The following SNTG1 variants were observed in gnomAD, a reference collection of about 807,000 sequenced individuals.
SNTG1 encodes syntrophin gamma 1.
A neutral mutation model predicts 74.7 loss-of-function variants in SNTG1; 39 were observed. That is an observed-to-expected ratio of 0.52 (90% confidence interval 0.40 to 0.68). The LOEUF (loss-of-function observed/expected upper bound fraction) is 0.68. Ranked by LOEUF, SNTG1 falls within the 30% of genes least tolerant of loss-of-function variation. The pLI is 0.00. For synonymous variants in SNTG1, 254 were observed against 217.1 expected (o/e 1.17, Z -1.49); for missense variants, 685 against 609.5 (o/e 1.12, Z -1.30).
At chr8:50,432,357 G>T (rs2093247615) in intron 4 of SNTG1, among the ~76,000 whole-genome samples, 1 of 150,958 alleles carries the variant, frequency 6.6e-6, no homozygotes, top group Admixed American at 6.6e-5. Flanking sequence ...TTGGCCACCT[G>T]TTCTGTACCA....
chr8:50,117,998 A>G (rs2080879342), intron 1 of SNTG1, among the ~76,000 whole-genome samples: 2 of 152,158 alleles, frequency 1.3e-5, no homozygotes, highest in Non-Finnish European at 2.9e-5. Context: ...TGACCACTGC[A>G]GAAGACTGAG....
intron 8 of SNTG1, among the ~76,000 whole-genome samples, chr8:50,478,358 G>A (rs370833729): frequency 6.6e-6 from 1 of 152,176 alleles, no homozygotes; most frequent in African/African-American, 2.4e-5. Flanking sequence ...TTTAATGACA[G>A]GTTTTTGGAT....
intron 2 of SNTG1, among the ~76,000 whole-genome samples, chr8:50,248,451 G>A (rs116942333): frequency 0.012 from 1,777 of 152,158 alleles, 16 homozygotes; most frequent in Non-Finnish European, 0.019. Context: ...TGATTTACTT[G>A]TCCCAAAGAT....
At chr8:50,717,441 C>A (rs891801745) in intron 17 of SNTG1, among the ~76,000 whole-genome samples, 1 of 152,078 alleles carries the variant, frequency 6.6e-6, no homozygotes, top group Non-Finnish European at 1.5e-5. Flanking sequence ...TTTGCTTTTC[C>A]TTACAGCGTT....
At chr8:50,436,630 T>C (rs1388848587) in intron 4 of SNTG1, among the ~76,000 whole-genome samples, 1 of 152,174 alleles carries the variant, frequency 6.6e-6, no homozygotes, top group African/African-American at 2.4e-5. Context: ...TATGAAGCTG[T>C]AGCTATTAGC....
At chr8:50,692,428 G>A (rs769764023) in intron 15 of SNTG1, among the ~76,000 whole-genome samples, 13 of 152,058 alleles carry the variant, frequency 8.5e-5, no homozygotes, top group Admixed American at 5.2e-4. Context: ...ATGGGTTTTT[G>A]GTGTGGATGT....
intron 1 of SNTG1, among the ~76,000 whole-genome samples, chr8:49,936,460 C>T (rs318871): frequency 0.88 from 133,459 of 152,154 alleles, 58,783 homozygotes; most frequent in East Asian, 1. Context: ...CGTTTGGTAA[C>T]TAAAATACAA....
At chr8:50,425,467 G>A (rs1049140540) in intron 4 of SNTG1, among the ~76,000 whole-genome samples, 8 of 152,064 alleles carry the variant, frequency 5.3e-5, no homozygotes, top group Non-Finnish European at 1.0e-4. Context: ...ACCCCCAGAT[G>A]GGACCACCTA....
At chr8:50,438,981 G>T (rs2093332959) in intron 5 of SNTG1, among the ~76,000 whole-genome samples, 1 of 152,078 alleles carries the variant, frequency 6.6e-6, no homozygotes. Flanking sequence ...TAGTAAGTGA[G>T]ATATTGTATT....
chr8:50,219,683 T>A (rs2084963835), intron 2 of SNTG1, among the ~76,000 whole-genome samples: 1 of 152,128 alleles, frequency 6.6e-6, no homozygotes, highest in Admixed American at 6.6e-5. Flanking sequence ...TCACTCACTA[T>A]CATGAGAACA....
intron 1 of SNTG1, among the ~76,000 whole-genome samples, chr8:50,159,442 T>G (rs191342253): frequency 6.6e-6 from 1 of 152,186 alleles, no homozygotes; most frequent in Non-Finnish European, 1.5e-5. Flanking sequence ...AAGTTACTCA[T>G]CATCCATCTG....
chr8:50,170,551 G>A (rs73575336), intron 1 of SNTG1, among the ~76,000 whole-genome samples: 8,260 of 152,084 alleles, frequency 0.054, 746 homozygotes, highest in African/African-American at 0.19. Context: ...GATTTATCTC[G>A]TGTATTGGTT....
chr8:50,023,884 G>C lies in SNTG1; in HGVS notation c.-103+111653G>C, dbSNP rs140222605. Among the ~76,000 whole-genome samples, 11 of 152,252 alleles carry C rather than the reference G, an allele frequency of 7.2e-5. 1 individual carries two copies. The East Asian group carries it at 2.1e-3, about 29-fold the overall frequency. On this transcript the variant is annotated intron_variant, in intron 1 of 18. Transcript: ENST00000642720. The stretch of plus-strand genomic sequence containing the variant: ...GCCTCCATCAAGGGTCTTTGTGCCT[G>C]AGGCCTTCTGACCATCAACCATGAG...
intron 1 of SNTG1, among the ~76,000 whole-genome samples, chr8:50,070,372 A>G (rs917292454): frequency 6.6e-6 from 1 of 152,204 alleles, no homozygotes; most frequent in African/African-American, 2.4e-5. Context: ...ACGTTTTGGA[A>G]AATGTAGTGA....
At chr8:49,992,118 T>C (rs547764337) in intron 1 of SNTG1, among the ~76,000 whole-genome samples, 1 of 152,214 alleles carries the variant, frequency 6.6e-6, no homozygotes, top group Non-Finnish European at 1.5e-5. Context: ...TATACATATC[T>C]GACCCATATT....
chr8:50,401,508 T>C (rs564749494), intron 3 of SNTG1, among the ~76,000 whole-genome samples: 1 of 152,320 alleles, frequency 6.6e-6, no homozygotes, highest in South Asian at 2.1e-4. Flanking sequence ...GGTCTTAAAC[T>C]AGGCTCCAAT....
intron 2 of SNTG1, among the ~76,000 whole-genome samples, chr8:50,385,271 G>A (rs900199783): frequency 6.6e-6 from 1 of 152,170 alleles, no homozygotes; most frequent in African/African-American, 2.4e-5. Flanking sequence ...AGAGGCCATA[G>A]TAGTCCACCC....
intron 2 of SNTG1, among the ~76,000 whole-genome samples, chr8:50,244,810 A>G (rs1400387794): frequency 6.6e-6 from 1 of 152,192 alleles, no homozygotes; most frequent in African/African-American, 2.4e-5. Flanking sequence ...GCAGTCTCAA[A>G]TATGCTTGGC....
intron 11 of SNTG1, among the ~76,000 whole-genome samples, chr8:50,552,574 G>T (rs973963083): frequency 1.3e-5 from 2 of 152,178 alleles, no homozygotes; most frequent in African/African-American, 4.8e-5. Context: ...AATGGACAAA[G>T]TGCTGCCACT....
Sources: allele counts gnomAD v4.1 joint callset (sites outside exome capture counted in the v4.1 genomes callset), GRCh38; gene constraint gnomAD v4.1.1; transcripts MANE v1.5; gene names NCBI Gene and HGNC (gene_info 2026-07-23, HGNC 2026-07-21).